CNTNAP4: variants seen among roughly 807,000 people sequenced by gnomAD.
CNTNAP4 encodes contactin associated protein family member 4.
Under a neutral mutation model 148.4 loss-of-function variants are expected in CNTNAP4, and 98 were observed. The observed-to-expected ratio is 0.66, with a 90% CI of 0.56 to 0.78. CNTNAP4 has a LOEUF of 0.78. Ranked by LOEUF, CNTNAP4 falls within the 30% of genes least tolerant of loss-of-function variation. The pLI, the probability that CNTNAP4 is intolerant of heterozygous loss-of-function variation, is 0.00. For missense variants in CNTNAP4, 1,935 were observed against 1,565.6 expected (o/e 1.24, Z -3.98); for synonymous variants, 730 against 565.1 (o/e 1.29, Z -4.14).
chr16:76,540,071 C>T (rs1195666635), intron 20 of CNTNAP4, among the ~76,000 whole-genome samples: 1 of 152,094 alleles, frequency 6.6e-6, no homozygotes, highest in African/African-American at 2.4e-5. Flanking sequence ...TCTTTTCTAA[C>T]TTGTTTCTGC....
At chr16:76,347,037 T>C (rs1266307613) in intron 2 of CNTNAP4, among the ~76,000 whole-genome samples, 1 of 152,128 alleles carries the variant, frequency 6.6e-6, no homozygotes, top group Non-Finnish European at 1.5e-5. Flanking sequence ...TGAAAAAGCA[T>C]CTCTTTTTCA....
intron 2 of CNTNAP4, among the ~76,000 whole-genome samples, chr16:76,347,439 A>G (rs1965002301): frequency 6.6e-6 from 1 of 152,326 alleles, no homozygotes; most frequent in African/African-American, 2.4e-5. Context: ...GGTCTCATAG[A>G]GCTTGTATTC....
At position 76,455,259 on chromosome 16, in the gene CNTNAP4, G is replaced by T. The variant is rs551398732; in HGVS notation, c.1333+2490G>T. Among the ~76,000 whole-genome samples the T allele has an allele frequency of 9.9e-5, 15 of 152,268 alleles. No homozygotes were observed. The South Asian group carries it at 1.2e-3, about 13-fold the overall frequency. On this transcript the variant is annotated intron_variant, in intron 8 of 23. Coordinates refer to ENST00000611870, the MANE Select transcript of CNTNAP4 (RefSeq NM_033401.5). ...ACAAAGTTTTTGATATCAAATTTGA[G>T]ATTTCTGCTATGATTTTAGCATTTC...
chr16:76,370,750 A>T lies in CNTNAP4; in HGVS notation c.390+15239A>T, dbSNP rs1439623793. Among the ~76,000 whole-genome samples the T allele has an allele frequency of 3.3e-5, 5 of 152,196 alleles. No homozygotes were observed. The East Asian group carries it at 9.6e-4, about 29-fold the overall frequency. On this transcript the variant is annotated intron_variant, in intron 3 of 23. Transcript: ENST00000611870. The stretch of plus-strand genomic sequence containing the variant: ...TGCTTATAGAAGAGGATGCAGGCAG[A>T]ATCCAAGTACTTACTGAGTGATTCC...
intron 3 of CNTNAP4, among the ~76,000 whole-genome samples, chr16:76,371,395 C>T (rs1304938881): frequency 2.0e-5 from 3 of 152,270 alleles, no homozygotes; most frequent in East Asian, 3.9e-4. Flanking sequence ...AAGCGACTCT[C>T]CTGCCTCAGC....
At chr16:76,537,454 G>A (rs12932534) in intron 18 of CNTNAP4, among the ~76,000 whole-genome samples, 53,485 of 140,622 alleles carry the variant, frequency 0.38, 10,247 homozygotes, top group East Asian at 0.5. Flanking sequence ...GTGTGTGTGT[G>A]TGAGAGAGAG....
intron 3 of CNTNAP4, among the ~76,000 whole-genome samples, chr16:76,363,160 C>CT (rs34005199): frequency 0.036 from 4,984 of 137,416 alleles, 167 homozygotes; most frequent in African/African-American, 0.094. Flanking sequence ...AAACCCTTAT[C>CT]TTTTTTTTTT....
intron 2 of CNTNAP4, among the ~76,000 whole-genome samples, chr16:76,342,118 G>C (rs369862772): frequency 2.6e-5 from 4 of 152,266 alleles, no homozygotes; most frequent in South Asian, 2.1e-4. Context: ...CAAGAATCAT[G>C]CAAATCAGAA....
rs978487969 is a variant in CNTNAP4, at chr16:76,479,534, G to C, written c.1878G>C (p.Met626Ile). The change falls in exon 12 of 24, where the codon ATG becomes ATC. Residue 626 changes from methionine to isoleucine, a missense_variant. Met to Ile is a conservative substitution (Grantham distance 10). Coordinates refer to ENST00000611870, the MANE Select transcript of CNTNAP4 (RefSeq NM_033401.5). ...PLEPFLLYCN[M>I]TETAWTIIQH... ...AACCATTTCTTCTATATTGCAATATGACCGGTGAGTTAATCAGCTTTTATT... is the reference window on the plus strand; with the variant it reads ...AACCATTTCTTCTATATTGCAATATCACCGGTGAGTTAATCAGCTTTTATT... 6.2e-7 allele frequency: 1 copy of C among 1,605,078 alleles called. No homozygotes were observed. The highest frequency in any genetic ancestry group is 8.5e-7 in the Non-Finnish European group (1 of 1,177,374).
At chr16:76,403,866 A>G (rs879190429) in intron 3 of CNTNAP4, among the ~76,000 whole-genome samples, 1 of 152,238 alleles carries the variant, frequency 6.6e-6, no homozygotes, top group African/African-American at 2.4e-5. Context: ...CTATGCAGCC[A>G]TAAGAAAAGA....
intron 1 of CNTNAP4, among the ~76,000 whole-genome samples, chr16:76,308,638 A>G (rs1385892745): frequency 1.3e-5 from 2 of 152,300 alleles, no homozygotes; most frequent in East Asian, 1.9e-4. Context: ...CTGGACAGAA[A>G]TTAATTTGCA....
rs932524053 is a variant in CNTNAP4, at chr16:76,462,432, T to C, written c.1483+327T>C. The stretch of plus-strand genomic sequence containing the variant: ...TCTTCTTCTGATTTTATGGGCTGAT[T>C]TAATTGCAGTAGTTTCTTGATTATG... On this transcript the variant is annotated intron_variant, in intron 9 of 23. Transcript: ENST00000611870. Among the ~76,000 whole-genome samples the C allele has an allele frequency of 3.3e-5, 5 of 152,204 alleles. No homozygotes were observed. The East Asian group carries it at 7.7e-4, about 23-fold the overall frequency.
chr16:76,399,953 G>C (rs1415468984), intron 3 of CNTNAP4, among the ~76,000 whole-genome samples: 1 of 152,146 alleles, frequency 6.6e-6, no homozygotes, highest in African/African-American at 2.4e-5. Flanking sequence ...CTCTGGACTA[G>C]AAAGTAATTC....
At chr16:76,529,831 G>A (rs1181170649) in intron 17 of CNTNAP4, among the ~76,000 whole-genome samples, 1 of 140,824 alleles carries the variant, frequency 7.1e-6, no homozygotes, top group Non-Finnish European at 1.5e-5. Context: ...AGACTGTAGT[G>A]ATGAATCTCA....
At chr16:76,482,846 C>A (rs1302776620) in intron 12 of CNTNAP4, among the ~76,000 whole-genome samples, 2 of 152,164 alleles carry the variant, frequency 1.3e-5, no homozygotes, top group African/African-American at 4.8e-5. Flanking sequence ...CATGGATCTT[C>A]CCAAATGATT....
In CNTNAP4 at chr16:76,555,370, CA is replaced by C. The variant is rs112179612; in HGVS notation, c.3733+1470del. On this transcript the variant is annotated intron_variant, in intron 23 of 23. Transcript: ENST00000611870. ...TGCAAAACAAAAAACCCAAAACAAA[CA>C]AAAAAACTCTATTTGAAGAGGAGTT... is the stretch of plus-strand genomic sequence containing the variant. Among the ~76,000 whole-genome samples the C allele has an allele frequency of 2.6e-5, 4 of 151,978 alleles. 1 individual carries two copies. The highest frequency in any genetic ancestry group is 9.6e-5 in the African/African-American group (4 of 41,462).
intron 10 of CNTNAP4, 80 bp downstream of exon 10, chr16:76,467,603 A>G (rs1017076648): frequency 1.8e-5 from 21 of 1,164,698 alleles, no homozygotes; most frequent in South Asian, 3.2e-5. Flanking sequence ...ATGAACAATT[A>G]TTCTTTCCTC....
At chr16:76,449,569 T>G in intron 6 of CNTNAP4, 146 bp from the exon 7 acceptor site, 1 of 633,998 alleles carries the variant, frequency 1.6e-6, no homozygotes, top group Non-Finnish European at 2.5e-6. Flanking sequence ...TAAATTTGTT[T>G]TAAATCTATA....
chr16:76,372,665 T>A (rs539183484), intron 3 of CNTNAP4, among the ~76,000 whole-genome samples: 1 of 152,164 alleles, frequency 6.6e-6, no homozygotes, highest in East Asian at 1.9e-4. Context: ...ACATGCCTTC[T>A]GCCATGATTG....
Sources: allele counts gnomAD v4.1 joint callset (sites outside exome capture counted in the v4.1 genomes callset), GRCh38; gene constraint gnomAD v4.1.1; transcripts MANE v1.5; gene names NCBI Gene and HGNC (gene_info 2026-07-23, HGNC 2026-07-21).